KAZN: variants seen among roughly 807,000 people sequenced by gnomAD.
KAZN encodes kazrin.
Under a neutral mutation model 87.4 loss-of-function variants are expected in KAZN, and 40 were observed. That is an observed-to-expected ratio of 0.46 (90% CI 0.36 to 0.60). The LOEUF is 0.60. Ranked by LOEUF, KAZN falls within the 20% of genes least tolerant of loss-of-function variation. The probability of loss-of-function intolerance (pLI) is 0.00; values close to 1 mark genes in which losing one functional copy is unlikely to be tolerated. For missense variants in KAZN, 898 were observed against 1,073.9 expected, an observed-to-expected ratio of 0.84 and a Z score of 2.29; for synonymous variants, 466 against 458.3, an observed-to-expected ratio of 1.02 and a Z score of -0.22.
rs181255090 is a variant in KAZN at position 15,090,588 on chromosome 1, C to T, written c.1223-3592C>T. Among the ~76,000 whole-genome samples the T allele has an allele frequency of 1.1e-4, 16 of 152,374 alleles. No individual in the cohort carries two copies. In the East Asian group the frequency reaches 1.9e-3, roughly 18 times the overall value. On this transcript the variant is annotated intron_variant, in intron 8 of 14. Transcript: ENST00000376030. ...CTGCAGAGGCAGCTGCTGCCGTTTC[C>T]GCATTCCTGGCACCATGGCAACAGG...
At chr1:14,719,982 GA>G (rs1180203625) in intron 1 of KAZN, among the ~76,000 whole-genome samples, 5 of 152,108 alleles carry the variant, frequency 3.3e-5, no homozygotes, top group African/African-American at 1.2e-4. Context: ...GAGTGGACAA[GA>G]GGGAGAGGCA....
At chr1:14,670,804 C>G (rs967532804) in intron 1 of KAZN, among the ~76,000 whole-genome samples, 10 of 152,178 alleles carry the variant, frequency 6.6e-5, no homozygotes, top group African/African-American at 2.2e-4. Flanking sequence ...TCAGGTGACC[C>G]CTGTGCAGCT....
At chr1:14,033,038 T>C (rs1459923002) in intron 1 of KAZN, among the ~76,000 whole-genome samples, 1 of 152,188 alleles carries the variant, frequency 6.6e-6, no homozygotes, top group Non-Finnish European at 1.5e-5. Context: ...TCTGCCCTGC[T>C]CCTCTGTCTG....
At chr1:14,017,883 G>A (rs948994279) in intron 1 of KAZN, among the ~76,000 whole-genome samples, 2 of 152,152 alleles carry the variant, frequency 1.3e-5, no homozygotes, top group African/African-American at 4.8e-5. Flanking sequence ...TGAGAGCCAC[G>A]TGTTGTTGCT....
At chr1:14,091,047 G>C (rs551105181) in intron 1 of KAZN, among the ~76,000 whole-genome samples, 1 of 149,346 alleles carries the variant, frequency 6.7e-6, no homozygotes, top group Non-Finnish European at 1.5e-5. Flanking sequence ...AGGAGGCAGA[G>C]GTTGCAGTGA....
chr1:14,401,376 A>G (rs933193994), intron 2 of KAZN, among the ~76,000 whole-genome samples: 4 of 151,846 alleles, frequency 2.6e-5, no homozygotes, highest in African/African-American at 9.7e-5. Context: ...TATAAGGATT[A>G]TATCATTCCA....
chr1:14,825,783 A>T (rs768409282), intron 1 of KAZN, among the ~76,000 whole-genome samples: 7 of 151,940 alleles, frequency 4.6e-5, no homozygotes, highest in Non-Finnish European at 7.4e-5. Flanking sequence ...CGTGTCATTG[A>T]CTCCCCAGGA....
At chr1:14,940,655 TTC>T in intron 1 of KAZN, among the ~76,000 whole-genome samples, 1 of 152,302 alleles carries the variant, frequency 6.6e-6, no homozygotes, top group East Asian at 1.9e-4. Context: ...AGCCTGTACC[TTC>T]TCTTGCACGT....
At chr1:13,981,720 G>C (rs148761433) in intron 1 of KAZN, among the ~76,000 whole-genome samples, 1 of 152,208 alleles carries the variant, frequency 6.6e-6, no homozygotes, top group Non-Finnish European at 1.5e-5. Flanking sequence ...CACCTCCAGC[G>C]TATGAATGAA....
intron 1 of KAZN, among the ~76,000 whole-genome samples, chr1:14,799,761 G>A (rs1331737581): frequency 6.6e-6 from 1 of 151,270 alleles, no homozygotes; most frequent in Non-Finnish European, 1.5e-5. Flanking sequence ...CTTTTTTTTT[G>A]GAAAAGTAGG....
chr1:13,930,435 A>G (rs1390689311), intron 1 of KAZN, among the ~76,000 whole-genome samples: 1 of 152,202 alleles, frequency 6.6e-6, no homozygotes, highest in Non-Finnish European at 1.5e-5. Flanking sequence ...CTATTGTCAC[A>G]TGTCATTATT....
intron 1 of KAZN, among the ~76,000 whole-genome samples, chr1:14,920,977 G>C (rs940905705): frequency 6.6e-6 from 1 of 152,114 alleles, no homozygotes; most frequent in Admixed American, 6.5e-5. Flanking sequence ...AGACAGATGG[G>C]TTTCTGATAG....
chr1:14,032,184 A>G (rs1351136653), intron 1 of KAZN, among the ~76,000 whole-genome samples: 1 of 152,290 alleles, frequency 6.6e-6, no homozygotes, highest in East Asian at 1.9e-4. Context: ...AGGGAACCCA[A>G]TTATTTCTCA....
At chr1:13,931,067 A>T (rs1032396999) in intron 1 of KAZN, among the ~76,000 whole-genome samples, 6 of 152,202 alleles carry the variant, frequency 3.9e-5, no homozygotes, top group Non-Finnish European at 5.9e-5. Context: ...TCCCAGTAAA[A>T]TCTTGTGGTC....
intron 2 of KAZN, among the ~76,000 whole-genome samples, chr1:14,339,938 GCTAC>G (rs1657565576): frequency 6.6e-6 from 1 of 152,098 alleles, no homozygotes; most frequent in Non-Finnish European, 1.5e-5. Flanking sequence ...CACCCAATTT[GCTAC>G]CTATCGTCTT....
intron 1 of KAZN, among the ~76,000 whole-genome samples, chr1:13,900,690 G>A (rs890374938): frequency 1.3e-5 from 2 of 152,208 alleles, no homozygotes; most frequent in Non-Finnish European, 2.9e-5. Flanking sequence ...CCATGGCTTG[G>A]GTTCAAATTC....
At chr1:13,984,918 T>C (rs1319578897) in intron 1 of KAZN, among the ~76,000 whole-genome samples, 4 of 152,202 alleles carry the variant, frequency 2.6e-5, no homozygotes, top group Admixed American at 2.0e-4. Context: ...GATTTTTTTT[T>C]CAAATAGAAT....
At chr1:13,902,815 T>C (rs1330778685) in intron 1 of KAZN, among the ~76,000 whole-genome samples, 1 of 152,248 alleles carries the variant, frequency 6.6e-6, no homozygotes, top group East Asian at 1.9e-4. Context: ...AAATATGAAC[T>C]ATTATGTATC....
intron 2 of KAZN, among the ~76,000 whole-genome samples, chr1:14,299,132 G>A (rs1654344770): frequency 6.6e-6 from 1 of 152,162 alleles, no homozygotes; most frequent in African/African-American, 2.4e-5. Context: ...ATACAGCAGG[G>A]AAAACACAAA....
Sources: gnomAD v4.1 joint callset for allele counts (sites outside exome capture counted in the v4.1 genomes callset) on GRCh38, gnomAD v4.1.1 for gene constraint, MANE v1.5 for transcripts, NCBI Gene and HGNC (gene_info 2026-07-23, HGNC 2026-07-21) for gene names.